Variants in C6orf132 observed in about 807,000 individuals in gnomAD.
The protein encoded by C6orf132 is chromosome 6 open reading frame 132, also known as uncharacterized protein C6orf132.
Under a neutral mutation model 65.3 loss-of-function variants are expected in C6orf132, and 43 were observed. The observed-to-expected ratio is 0.66, with a 90% confidence interval of 0.52 to 0.85. The LOEUF (loss-of-function observed/expected upper bound fraction) is 0.85, where lower values mean the gene tolerates loss of function less well. C6orf132 is among the 40% of genes least tolerant of loss of function. The probability of loss-of-function intolerance (pLI) is 0.00; values close to 1 mark genes in which losing one functional copy is unlikely to be tolerated. For synonymous variants in C6orf132, 631 were observed against 654.1 expected (o/e 0.96, Z 0.54); for missense variants, 1,488 against 1,548.8 (o/e 0.96, Z 0.66).
Position 42,128,642 on chromosome 6 carries a change from T to G in C6orf132, c.252+30A>C, listed in dbSNP as rs1033114580. ...CTTGGTGTCCCCAGCCAGAGCAGAC[T>G]CTCCAACCTCAGAGCAGAACCGTAC... On this transcript the variant is annotated intron_variant, in intron 2 of 4. Transcript: ENST00000341865. 28 of 1,524,056 alleles carry G rather than the reference T, an allele frequency of 1.8e-5. 1 individual carries two copies. In the Admixed American group the frequency reaches 3.3e-4, roughly 18 times the overall value. 94.4% of individuals were successfully genotyped at this position (1,524,056 alleles called of 1,614,324 possible).
intron 3 of C6orf132, among the ~76,000 whole-genome samples, chr6:42,108,719 C>T (rs1212607929): frequency 5.3e-5 from 8 of 152,150 alleles, no homozygotes; most frequent in African/African-American, 1.9e-4. Context: ...GCCCCAGCAG[C>T]GCACATCCCT....
In C6orf132 at chr6:42,128,737, C is replaced by G. The variant is rs1046972064; in HGVS notation, c.187G>C (p.Glu63Gln). 2 of 1,551,474 alleles carry G rather than the reference C, an allele frequency of 1.3e-6. No individual in the cohort carries two copies. The highest frequency in any genetic ancestry group is 1.7e-6 in the Non-Finnish European group (2 of 1,146,974). ...YGDNRFNTVS[E>Q]SGTATLKARP... ...GCTTTCAGCGTGGCTGTTCCTGACT[C>G]GCTCACTGTGTTAAACCGATTGTCT... The change falls in exon 2 of 5, where the codon GAG (glutamate) becomes CAG (glutamine). Residue 63 changes from glutamate (E) to glutamine (Q), a missense_variant. By Grantham distance (29) the Glu-to-Gln change is conservative (BLOSUM62 2). Transcript: ENST00000341865.
In C6orf132 at chr6:42,106,436, T is replaced by C; in HGVS notation, c.1476A>G (p.Pro492=). Residue 492 remains proline (P), a synonymous_variant, in exon 4 of 5, where the codon CCA becomes CCG. Coordinates refer to ENST00000341865, the MANE Select transcript of C6orf132 (RefSeq NM_001164446.3). ...RREDRFLSHR[P]GPTVAPQSKE... is the part of the protein sequence containing the mutation. ...TGCTCTGAGGGGCCACTGTTGGGCC[T>C]GGCCTGTGACTGAGGAATCGGTCCT... 6.5e-7 allele frequency: 1 copy of C among 1,536,180 alleles called. No homozygotes were observed. The highest frequency in any genetic ancestry group is 8.7e-7 in the Non-Finnish European group (1 of 1,146,854).
intron 2 of C6orf132, among the ~76,000 whole-genome samples, chr6:42,113,849 G>C (rs2127475043): frequency 6.6e-6 from 1 of 150,838 alleles, no homozygotes; most frequent in East Asian, 1.9e-4. Context: ...GAAAAAAAAA[G>C]AAAATTGAGC....
chr6:42,137,598 T>A (rs1429286067), intron 1 of C6orf132, among the ~76,000 whole-genome samples: 2 of 152,054 alleles, frequency 1.3e-5, no homozygotes, highest in African/African-American at 4.8e-5. Context: ...GCTGGTGACA[T>A]TCTTTCCATA....
Position 42,105,465 on chromosome 6 carries a change from GAGGC to G in C6orf132, c.2443_2446del (p.Ala815ArgfsTer13). On this transcript the variant is annotated frameshift_variant, in exon 4 of 5. Transcript: ENST00000341865. LOFTEE classifies it high-confidence loss of function. The stretch of plus-strand genomic sequence containing the variant: ...GAGGAGTTCATCAGTGGGCTGGGCC[GAGGC>G]AGGAGGCTTGGCTGGCAGCCCTGGG... The G allele has an allele frequency of 6.5e-7, 1 of 1,533,916 alleles. No individual in the cohort carries two copies. Among genetic ancestry groups the G allele is most frequent in the Non-Finnish European group, 8.7e-7 (1 of 1,145,206 alleles).
chr6:42,107,764 C>G (rs1414451295), intron 3 of C6orf132, among the ~76,000 whole-genome samples, 181 bp from the exon 4 acceptor site: 1 of 152,156 alleles, frequency 6.6e-6, no homozygotes, highest in Non-Finnish European at 1.5e-5. Flanking sequence ...TGGGGGTGTC[C>G]CCCCTTCTTT....
intron 2 of C6orf132, among the ~76,000 whole-genome samples, chr6:42,115,934 CTTTTTT>C (rs67542628): frequency 1.9e-5 from 2 of 106,392 alleles, no homozygotes; most frequent in Admixed American, 1.1e-4. Context: ...TTTTCTTTTT[CTTTTTT>C]TTTTTTTTTG....
chr6:42,107,103 T>TCTGC lies in C6orf132; in HGVS notation c.805_808dup (p.Glu270GlyfsTer14), dbSNP rs1390977873. ...TCTCGGGGGGCTGGCTCTGGTGGCC[T>TCTGC]CTGCCTGCCTGCCATTCAGTGCTAC... On this transcript the variant is annotated frameshift_variant, in exon 4 of 5. Transcript: ENST00000341865. LOFTEE classifies it high-confidence loss of function. The TCTGC allele has an allele frequency of 1.4e-6, 2 of 1,456,674 alleles. No homozygotes were observed. The highest frequency in any genetic ancestry group is 1.8e-6 in the Non-Finnish European group (2 of 1,108,334). The allele number at this position is 1,456,674 out of a possible 1,614,324, so 90.2% of individuals were successfully genotyped here. A position where few individuals can be genotyped will look rare whatever the true frequency, so the allele number is the denominator to read the frequency against.
In C6orf132 at chr6:42,106,946, C is replaced by T; in HGVS notation, c.966G>A (p.Glu322=). 3 of 1,536,218 alleles carry T rather than the reference C, an allele frequency of 2.0e-6. No homozygotes were observed. Among genetic ancestry groups the T allele is most frequent in the Non-Finnish European group, 2.6e-6 (3 of 1,146,556 alleles). The change falls in exon 4 of 5, where the codon GAG becomes GAA. Residue 322 remains glutamate, a synonymous_variant. Transcript: ENST00000341865. The stretch of plus-strand genomic sequence containing the variant: ...TGGCCCCCTCTTCCTTTCGGGGAGC[C>T]TCTTGTGCTTCCTGAACTGGGATGG... The part of the protein sequence containing the change: ...TSSIPVQEAQ[E]APRKEEGATK...
At chr6:42,128,130 G>A (rs1259151212) in intron 2 of C6orf132, among the ~76,000 whole-genome samples, 2 of 151,236 alleles carry the variant, frequency 1.3e-5, no homozygotes, top group African/African-American at 4.9e-5. Flanking sequence ...GTTTCACCGT[G>A]TTAGCCAGGA....
chr6:42,131,969 G>A (rs1766860078), intron 1 of C6orf132, among the ~76,000 whole-genome samples: 1 of 152,220 alleles, frequency 6.6e-6, no homozygotes, highest in South Asian at 2.1e-4. Context: ...GTCAGAGAGG[G>A]AAACGTGATA....
In C6orf132 at chr6:42,106,727, G is replaced by A. The variant is rs1343216639; in HGVS notation, c.1185C>T (p.Pro395=). ...ERAGTPPPAP[P]LPPPAPPLPP... ...GGAGGGGGGGTGCAGGAGGGGGCAG[G>A]GGAGGGGCTGGAGGCGGAGTCCCAG... is the stretch of plus-strand genomic sequence containing the variant. The change falls in exon 4 of 5, where the codon CCC becomes CCT. Residue 395 remains proline, a synonymous_variant. Transcript: ENST00000341865. The A allele has an allele frequency of 1.5e-5, 22 of 1,506,816 alleles. No individual in the cohort carries two copies. The highest frequency in any genetic ancestry group is 2.0e-5 in the Non-Finnish European group (22 of 1,124,788). The allele number at this position is 1,506,816 out of a possible 1,614,324, so 93.3% of individuals were successfully genotyped here. A position where few individuals can be genotyped will look rare whatever the true frequency, so the allele number is the denominator to read the frequency against.
intron 1 of C6orf132, among the ~76,000 whole-genome samples, chr6:42,138,042 A>T (rs1766975289): frequency 6.6e-6 from 1 of 152,220 alleles, no homozygotes; most frequent in Non-Finnish European, 1.5e-5. Context: ...CTGGCAACGG[A>T]TCGAGACTCC....
chr6:42,124,351 C>T lies in C6orf132; in HGVS notation c.252+4321G>A, dbSNP rs553902401. 6.6e-6 allele frequency among the ~76,000 whole-genome samples: 1 copy of T among 152,334 alleles called. No homozygotes were observed. The highest frequency in any genetic ancestry group is 2.4e-5 in the African/African-American group (1 of 41,578). ...GGAACTCTGGGGAAGGGGGCAGAAG[C>T]GCCTGTTGCTGCCTTGTCTCCTTCT... is the stretch of plus-strand genomic sequence containing the variant. On this transcript the variant is annotated intron_variant, in intron 2 of 4. Transcript: ENST00000341865. This position sits in a 1 kb window ranked among gnomAD's most constrained non-coding sequence, Gnocchi z 4.0.
At position 42,104,924 on chromosome 6, in the gene C6orf132, A is replaced by G. The variant is rs1487372652; in HGVS notation, c.2988T>C (p.Pro996=). 2 of 1,464,274 alleles carry G rather than the reference A, an allele frequency of 1.4e-6. No homozygotes were observed. The highest frequency in any genetic ancestry group is 2.5e-5 in the Admixed American group (1 of 39,496). The allele number at this position is 1,464,274 out of a possible 1,614,324, so 90.7% of individuals were successfully genotyped here. Residue 996 remains proline, a synonymous_variant, in exon 4 of 5, where the codon CCT becomes CCC. Transcript: ENST00000341865. This position sits in a 1 kb window ranked among gnomAD's most constrained non-coding sequence, Gnocchi z 4.1. The stretch of plus-strand genomic sequence containing the variant: ...ACTGGAGGGCCGGGGCCGGGGGCTC[A>G]GGGTCATTGCTGAACTCTGGCGGCG... The part of the protein sequence containing the change: ...IPPPPEFSND[P]EPPAPALQYL...
At chr6:42,112,135 C>T (rs991615937) in intron 2 of C6orf132, among the ~76,000 whole-genome samples, 3 of 152,200 alleles carry the variant, frequency 2.0e-5, no homozygotes, top group Non-Finnish European at 4.4e-5. Context: ...AGTCATAATA[C>T]TCCTTGCACT....
In C6orf132 at chr6:42,104,525, G is replaced by A; in HGVS notation, c.3387C>T (p.Ala1129=). 1.3e-5 allele frequency: 16 copies of A among 1,234,690 alleles called. No homozygotes were observed. Among genetic ancestry groups the A allele is most frequent in the Non-Finnish European group, 1.6e-5 (16 of 990,140 alleles). The allele number at this position is 1,234,690 out of a possible 1,614,324, so 76.5% of individuals were successfully genotyped here. A position where few individuals can be genotyped will look rare whatever the true frequency, so the allele number is the denominator to read the frequency against. ...RLSLEGAARG[A]AEAKHKAPGS... is the part of the protein sequence containing the mutation. ...CGGGCGCTTTGTGCTTGGCCTCCGCGGCGCCCCGGGCGGCGCCCTCCAGGG... is the reference window on the plus strand; with the variant it reads ...CGGGCGCTTTGTGCTTGGCCTCCGCAGCGCCCCGGGCGGCGCCCTCCAGGG... The change falls in exon 4 of 5, where the codon GCC becomes GCT. Residue 1129 remains alanine, a synonymous_variant. Transcript: ENST00000341865. The surrounding 1 kb of genome is among the most constrained non-coding windows in gnomAD (Gnocchi z 4.1).
intron 1 of C6orf132, among the ~76,000 whole-genome samples, chr6:42,138,644 C>T (rs12192289): frequency 0.038 from 5,770 of 152,176 alleles, 159 homozygotes; most frequent in South Asian, 0.071. Context: ...TTTAGAGGAA[C>T]GGGGTAGGAA....
Sources: allele counts gnomAD v4.1 joint callset (sites outside exome capture counted in the v4.1 genomes callset), GRCh38; gene constraint gnomAD v4.1.1; non-coding constraint Gnocchi (gnomAD v3.1); transcripts MANE v1.5; gene names NCBI Gene and HGNC (gene_info 2026-07-23, HGNC 2026-07-21).